EYS: variants seen among roughly 807,000 people sequenced by gnomAD.
EYS encodes the protein protein eyes shut homolog.
A neutral mutation model predicts 282.1 loss-of-function variants in EYS; 250 were observed. The ratio of observed to expected loss-of-function variants is 0.89; its 90% CI spans 0.80 to 0.98. EYS has a LOEUF of 0.98. Among genes scored for constraint, EYS ranks in the 50% least tolerant of loss-of-function variants. EYS has a pLI of 0.00. For missense variants in EYS, 4,016 were observed against 3,709.0 expected (o/e 1.08, Z -2.15); for synonymous variants, 1,355 against 1,282.9 (o/e 1.06, Z -1.20).
chr6:65,350,589 A>G (rs1173582288), intron 9 of EYS, among the ~76,000 whole-genome samples: 1 of 151,546 alleles, frequency 6.6e-6, no homozygotes, highest in African/African-American at 2.4e-5. Context: ...AATTTCTCTT[A>G]TTTTCTTTTT....
chr6:64,802,013 A>ATTTT (rs1415788607), intron 22 of EYS, among the ~76,000 whole-genome samples: 11 of 124,154 alleles, frequency 8.9e-5, no homozygotes, highest in Non-Finnish European at 1.9e-4. Context: ...GTTATAACAA[A>ATTTT]TTTCTTTTTC....
chr6:64,397,078 C>T (rs1379668248), intron 28 of EYS, among the ~76,000 whole-genome samples: 1 of 152,004 alleles, frequency 6.6e-6, no homozygotes, highest in Non-Finnish European at 1.5e-5. Flanking sequence ...TTACTTTGCT[C>T]AGTTTTTTTA....
At chr6:65,378,872 C>A (rs12664594) in intron 8 of EYS, among the ~76,000 whole-genome samples, 62,565 of 151,400 alleles carry the variant, frequency 0.41, 13,903 homozygotes, top group South Asian at 0.51. Context: ...CATCACACAC[C>A]GGGGCCTGTC....
intron 35 of EYS, among the ~76,000 whole-genome samples, chr6:63,891,356 A>C (rs1327408000): frequency 6.6e-6 from 1 of 152,182 alleles, no homozygotes; most frequent in Non-Finnish European, 1.5e-5. Flanking sequence ...TAGCAAACTA[A>C]ATCCAGCAGC....
At chr6:65,681,149 G>A (rs1273643822) in intron 1 of EYS, among the ~76,000 whole-genome samples, 5 of 149,290 alleles carry the variant, frequency 3.3e-5, no homozygotes, top group South Asian at 2.1e-4. Context: ...ACTCTACCTC[G>A]TAGCAAATGA....
chr6:64,591,786 T>C lies in EYS; in HGVS notation c.4081A>G (p.Ile1361Val), dbSNP rs17403955. ...LNFGIRDPAQ[I>V]VQDKTSVSHM... ...GATACCGATGTTTTGTCCTGGACAA[T>C]TTGTGCTGGGTCACGAATACCAAAA... Residue 1361 changes from isoleucine (I) to valine (V), a missense_variant, in exon 26 of 43, where the codon ATT becomes GTT. Transcript: ENST00000503581. 0.13 allele frequency: 200,432 copies of C among 1,550,880 alleles called. 13,838 individuals carry two copies. The highest frequency in any genetic ancestry group is 0.15 in the East Asian group (6,026 of 40,888).
intron 26 of EYS, among the ~76,000 whole-genome samples, chr6:64,514,455 T>A (rs1198592575): frequency 6.6e-6 from 1 of 151,828 alleles, no homozygotes; most frequent in Non-Finnish European, 1.5e-5. Flanking sequence ...AGCCGGGCCA[T>A]GGCCTTGTGA....
intron 12 of EYS, among the ~76,000 whole-genome samples, chr6:65,229,767 A>T (rs1431575889): frequency 1.3e-5 from 2 of 152,138 alleles, no homozygotes; most frequent in East Asian, 3.9e-4. Context: ...AGTGAAACTG[A>T]GAAGTCTCAA....
chr6:65,522,292 T>C (rs974479258), intron 2 of EYS, among the ~76,000 whole-genome samples: 12 of 152,318 alleles, frequency 7.9e-5, no homozygotes, highest in African/African-American at 2.9e-4. Flanking sequence ...ATAGTTTTTA[T>C]AGCTGTAAAT....
intron 19 of EYS, among the ~76,000 whole-genome samples, chr6:64,829,137 A>G (rs1000101386): frequency 2.0e-5 from 3 of 151,970 alleles, no homozygotes; most frequent in Admixed American, 6.6e-5. Flanking sequence ...AGAAAGAAGC[A>G]TATATTGGAC....
At chr6:65,116,384 G>T (rs1027318082) in intron 12 of EYS, among the ~76,000 whole-genome samples, 6 of 152,112 alleles carry the variant, frequency 3.9e-5, no homozygotes, top group African/African-American at 1.2e-4. Context: ...TTCATGGAGG[G>T]TGAATTATTT....
intron 14 of EYS, among the ~76,000 whole-genome samples, chr6:64,956,190 A>T (rs1769696077): frequency 6.6e-6 from 1 of 152,242 alleles, no homozygotes; most frequent in African/African-American, 2.4e-5. Flanking sequence ...TTGACTTCAA[A>T]TTATACTACA....
intron 19 of EYS, among the ~76,000 whole-genome samples, chr6:64,874,718 A>G (rs930085553): frequency 2.0e-5 from 3 of 152,146 alleles, no homozygotes; most frequent in African/African-American, 7.2e-5. Flanking sequence ...AGTTAATAAC[A>G]TATAATCAGG....
In EYS at chr6:65,221,166, G is replaced by C. The variant is rs1436921962; in HGVS notation, c.2023+74697C>G. On this transcript the variant is annotated intron_variant, in intron 12 of 42. Transcript: ENST00000503581. ...TGCAGCCCAATGATGCAATGGAAAA[G>C]AATAACCCATTTTCTGAGGAGAAAC... Among the ~76,000 whole-genome samples, 3 of 152,162 alleles carry C rather than the reference G, an allele frequency of 2.0e-5. No homozygotes were observed. In the East Asian group the frequency reaches 5.8e-4, roughly 29 times the overall value.
intron 28 of EYS, among the ~76,000 whole-genome samples, chr6:64,420,590 G>T (rs1482427290): frequency 6.6e-6 from 1 of 152,166 alleles, no homozygotes; most frequent in Admixed American, 6.6e-5. Flanking sequence ...TGTATTTTGT[G>T]ACTTTGGGCA....
At chr6:65,653,421 G>A (rs531938606) in intron 1 of EYS, among the ~76,000 whole-genome samples, 1 of 151,878 alleles carries the variant, frequency 6.6e-6, no homozygotes, top group African/African-American at 2.4e-5. Flanking sequence ...AAACAAGTTT[G>A]CCTAGCACAA....
Position 65,012,810 on chromosome 6 carries a change from CAAA to C in EYS, c.2138-15110_2138-15108del, listed in dbSNP as rs3033918. 2.6e-4 allele frequency among the ~76,000 whole-genome samples: 31 copies of C among 117,648 alleles called. No homozygotes were observed. In the South Asian group the frequency reaches 3.7e-3, roughly 14 times the overall value. The allele number at this position is 117,648 out of a possible 152,430, so 77.2% of individuals were successfully genotyped here. A position where few individuals can be genotyped will look rare whatever the true frequency, so the allele number is the denominator to read the frequency against. ...TCAGGACTTCACTTTCCAAGTACAG[CAAA>C]AAAAAAAAAAAAATGAAAAAAAACT... On this transcript the variant is annotated intron_variant, in intron 13 of 42. Coordinates refer to ENST00000503581, the MANE Select transcript of EYS (RefSeq NM_001142800.2).
intron 29 of EYS, among the ~76,000 whole-genome samples, chr6:64,373,435 T>C (rs948982018): frequency 1.3e-5 from 2 of 152,132 alleles, no homozygotes; most frequent in Non-Finnish European, 2.9e-5. Context: ...TATTGTCAGG[T>C]TGGCCCTAAA....
intron 26 of EYS, among the ~76,000 whole-genome samples, chr6:64,569,400 G>A (rs1269694491): frequency 2.6e-5 from 4 of 151,932 alleles, no homozygotes; most frequent in African/African-American, 4.8e-5. Flanking sequence ...ATCACAGATT[G>A]AAGAACAACT....
Sources: allele counts gnomAD v4.1 joint callset (sites outside exome capture counted in the v4.1 genomes callset), GRCh38; gene constraint gnomAD v4.1.1; transcripts MANE v1.5; gene names NCBI Gene and HGNC (gene_info 2026-07-23, HGNC 2026-07-21).